Variants in RASGEF1B observed in about 807,000 individuals in gnomAD.
RASGEF1B encodes RasGEF domain family member 1B, also known as ras-GEF domain-containing family member 1B.
In RASGEF1B, 30 loss-of-function variants were observed where a neutral mutation model predicts 65.7. The observed-to-expected ratio is 0.46, with a 90% CI of 0.34 to 0.62. The LOEUF (loss-of-function observed/expected upper bound fraction) is 0.62, where lower values mean the gene tolerates loss of function less well. Ranked by LOEUF, RASGEF1B falls within the 20% of genes least tolerant of loss-of-function variation. The pLI, the probability that RASGEF1B is intolerant of heterozygous loss-of-function variation, is 0.01. For missense variants in RASGEF1B, 495 were observed against 580.1 expected (o/e 0.85, Z 1.51); for synonymous variants, 175 against 194.8 (o/e 0.90, Z 0.85).
At chr4:81,452,714 A>C (rs1722304694) in intron 4 of RASGEF1B, 1 of 152,206 alleles carries the variant, frequency 6.6e-6, no homozygotes, top group African/African-American at 2.4e-5. Flanking sequence ...TTCAAATGCC[A>C]GTGACAGTAA....
intron 4 of RASGEF1B, 22 bp from the exon 5 acceptor site, chr4:81,448,306 A>G (rs1722118082): frequency 6.3e-7 from 1 of 1,592,020 alleles, no homozygotes; most frequent in Non-Finnish European, 8.6e-7. Context: ...GCGAAGAATT[A>G]CATCCGTACT....
At chr4:81,430,040 G>T (rs1721369354) in intron 13 of RASGEF1B, among the ~76,000 whole-genome samples, 1 of 152,192 alleles carries the variant, frequency 6.6e-6, no homozygotes, top group South Asian at 2.1e-4. Context: ...GCACTCTCAC[G>T]CCTGTAATCC....
Position 81,459,416 on chromosome 4 carries a change from C to T in RASGEF1B, c.93G>A (p.Leu31=). The T allele has an allele frequency of 1.2e-6, 2 of 1,613,650 alleles. No individual in the cohort carries two copies. The highest frequency in any genetic ancestry group is 1.7e-6 in the Non-Finnish European group (2 of 1,179,850). Reference sequence around the variant, plus strand: ...AGAGGAGGTTGTTGTCATGGTAATACAACCCTCCACAGCTGTCCTCTGCAG... The same window carrying T: ...AGAGGAGGTTGTTGTCATGGTAATATAACCCTCCACAGCTGTCCTCTGCAG... ...YQSAEDSCGG[L]YYHDNNLLSG... Residue 31 remains leucine (L), a synonymous_variant, in exon 2 of 14, where the codon TTG becomes TTA. Coordinates refer to ENST00000264400, the MANE Select transcript of RASGEF1B (RefSeq NM_152545.3).
chr4:81,428,078 G>T (rs1264020063), intron 13 of RASGEF1B, among the ~76,000 whole-genome samples: 1 of 152,092 alleles, frequency 6.6e-6, no homozygotes, highest in Non-Finnish European at 1.5e-5. Context: ...AAAAAGCAAA[G>T]ATCATTAATG....
At chr4:81,438,446 G>A (rs552858502) in intron 10 of RASGEF1B, among the ~76,000 whole-genome samples, 85 of 152,336 alleles carry the variant, frequency 5.6e-4, no homozygotes, top group African/African-American at 1.6e-3. Context: ...CACCACGCCC[G>A]GCCAAGAATC....
chr4:81,436,496 ATC>A (rs1428874812), intron 10 of RASGEF1B, among the ~76,000 whole-genome samples: 1 of 152,224 alleles, frequency 6.6e-6, no homozygotes, highest in Non-Finnish European at 1.5e-5. Flanking sequence ...TAAAGCAATA[ATC>A]TCTCAGTAAG....
At chr4:81,428,903 T>C (rs952638518) in intron 13 of RASGEF1B, among the ~76,000 whole-genome samples, 2 of 152,260 alleles carry the variant, frequency 1.3e-5, no homozygotes, top group Admixed American at 6.5e-5. Flanking sequence ...TTAACGTATG[T>C]ATTTTGTAAA....
chr4:81,447,978 C>T, intron 5 of RASGEF1B, 91 bp downstream of exon 5: 1 of 1,054,640 alleles, frequency 9.5e-7, no homozygotes, highest in Non-Finnish European at 1.5e-6. Flanking sequence ...TCTGACCTCT[C>T]CTGTGACATT....
At chr4:81,470,760 C>T (rs1448483634) in intron 1 of RASGEF1B, among the ~76,000 whole-genome samples, 1 of 152,204 alleles carries the variant, frequency 6.6e-6, no homozygotes, top group South Asian at 2.1e-4. Flanking sequence ...TCTAGACAAT[C>T]TCCTTGTGTT....
Position 81,447,521 on chromosome 4 carries a change from G to A in RASGEF1B, c.712C>T (p.Pro238Ser). The change falls in exon 6 of 14, where the codon CCT (proline) becomes TCT (serine). Residue 238 changes from proline to serine, a missense_variant. Physicochemically the swap from Pro to Ser is moderately conservative, Grantham distance 74 (BLOSUM62 -1). Coordinates refer to ENST00000264400, the MANE Select transcript of RASGEF1B (RefSeq NM_152545.3). ...CTGATTACCTTGTCATTATCCAAAGGGTCCTTCTGCACGAACGCCTGAACA... is the reference window on the plus strand; with the variant it reads ...CTGATTACCTTGTCATTATCCAAAGAGTCCTTCTGCACGAACGCCTGAACA... ...EFVQAFVQKD[P>S]LDNDKSCYSE... 1.2e-6 allele frequency: 2 copies of A among 1,613,718 alleles called. No homozygotes were observed. Among genetic ancestry groups the A allele is most frequent in the Non-Finnish European group, 1.7e-6 (2 of 1,179,764 alleles).
At chr4:81,445,963 AAGAG>A (rs370361422) in intron 6 of RASGEF1B, 125 bp from the exon 7 acceptor site, 359 of 671,966 alleles carry the variant, frequency 5.3e-4, no homozygotes, top group Non-Finnish European at 8.0e-4. Flanking sequence ...GAACAACAGA[AAGAG>A]AGAGAGAAAG....
In RASGEF1B at chr4:81,432,192, G is replaced by C. The variant is rs17005139; in HGVS notation, c.1397+107C>G. ...TGGTGTACAAGAGATAAAGTGCAGA[G>C]GACTTGGAACAGATAGACAGCAGCT... On this transcript the variant is annotated intron_variant, in intron 13 of 13. Transcript: ENST00000264400. 7.3e-3 allele frequency: 4,807 copies of C among 656,982 alleles called. 51 individuals carry two copies. Among genetic ancestry groups the C allele is most frequent in the African/African-American group, 0.033 (1,836 of 55,202 alleles). The allele number at this position is 656,982 out of a possible 1,614,324, so 40.7% of individuals were successfully genotyped here.
At chr4:81,451,593 C>T (rs893277178) in intron 4 of RASGEF1B, 2 of 152,104 alleles carry the variant, frequency 1.3e-5, no homozygotes, top group Admixed American at 1.3e-4. Flanking sequence ...GTTTTTTGGC[C>T]TCTTTTGCTT....
At chr4:81,468,916 TA>T (rs1335868414) in intron 1 of RASGEF1B, among the ~76,000 whole-genome samples, 5 of 152,026 alleles carry the variant, frequency 3.3e-5, no homozygotes, top group Non-Finnish European at 5.9e-5. Context: ...AGAGAAAAAA[TA>T]AATCACTGAT....
intron 11 of RASGEF1B, among the ~76,000 whole-genome samples, chr4:81,434,262 G>A (rs997307233): frequency 3.3e-5 from 5 of 151,982 alleles, no homozygotes; most frequent in African/African-American, 1.2e-4. Context: ...TGTTGCCCAC[G>A]CTGGTTTCAA....
intron 10 of RASGEF1B, among the ~76,000 whole-genome samples, chr4:81,437,123 A>C (rs1292545210): frequency 6.6e-6 from 1 of 152,246 alleles, no homozygotes; most frequent in Non-Finnish European, 1.5e-5. Flanking sequence ...AGACAACAGC[A>C]AAAAATTTCG....
At chr4:81,446,215 A>T (rs1426104348) in intron 6 of RASGEF1B, among the ~76,000 whole-genome samples, 1 of 152,150 alleles carries the variant, frequency 6.6e-6, no homozygotes, top group Non-Finnish European at 1.5e-5. Context: ...TCTCTACTAA[A>T]TATACAAAAA....
intron 4 of RASGEF1B, chr4:81,451,998 T>C (rs1722277281): frequency 1.3e-5 from 2 of 152,258 alleles, no homozygotes; most frequent in Non-Finnish European, 2.9e-5. Context: ...CTGATCGACT[T>C]GGTCTGCAGT....
chr4:81,445,118 T>G (rs1442118117), intron 8 of RASGEF1B, among the ~76,000 whole-genome samples: 1 of 152,242 alleles, frequency 6.6e-6, no homozygotes, highest in East Asian at 1.9e-4. Context: ...TGATAAGTAC[T>G]AGAAGCCTGA....
Sources: gnomAD v4.1 joint callset for allele counts (sites outside exome capture counted in the v4.1 genomes callset) on GRCh38, gnomAD v4.1.1 for gene constraint, MANE v1.5 for transcripts, NCBI Gene and HGNC (gene_info 2026-07-23, HGNC 2026-07-21) for gene names.